Variants in MYO18B observed in about 807,000 individuals in gnomAD.
The protein encoded by MYO18B is unconventional myosin-XVIIIb.
A neutral mutation model predicts 273.0 loss-of-function variants in MYO18B; 204 were observed. The observed-to-expected ratio is 0.75, with a 90% confidence interval of 0.67 to 0.84. The LOEUF (loss-of-function observed/expected upper bound fraction) is 0.84, where lower values mean the gene tolerates loss of function less well. MYO18B is among the 40% of genes least tolerant of loss of function. The pLI is 0.00. For synonymous variants in MYO18B, 1,330 were observed against 1,305.7 expected, an observed-to-expected ratio of 1.02 and a Z score of -0.40; for missense variants, 3,212 against 3,287.6, an observed-to-expected ratio of 0.98 and a Z score of 0.56.
At chr22:25,969,183 C>T (rs775660206) in intron 39 of MYO18B, among the ~76,000 whole-genome samples, 95 of 152,318 alleles carry the variant, frequency 6.2e-4, no homozygotes, top group Non-Finnish European at 1.3e-3. Flanking sequence ...CCAGATGTGT[C>T]ACCTTATCTG....
At chr22:25,948,720 TCA>T (rs568356846) in intron 36 of MYO18B, among the ~76,000 whole-genome samples, 2 of 152,048 alleles carry the variant, frequency 1.3e-5, no homozygotes, top group East Asian at 3.9e-4. Flanking sequence ...TTCATGTACC[TCA>T]CAGTTTAGTG....
chr22:25,934,376 T>C (rs1168327313), intron 34 of MYO18B, among the ~76,000 whole-genome samples: 2 of 152,212 alleles, frequency 1.3e-5, no homozygotes, highest in East Asian at 3.9e-4. Context: ...GCAGAGGGTG[T>C]TCTGTTTAGC....
At chr22:25,862,036 G>C (rs1011647668) in intron 21 of MYO18B, among the ~76,000 whole-genome samples, 5 of 152,092 alleles carry the variant, frequency 3.3e-5, no homozygotes, top group African/African-American at 9.7e-5. Context: ...AACATATACA[G>C]ACTTATTTTC....
At chr22:25,913,665 G>A (rs2092205252) in intron 33 of MYO18B, among the ~76,000 whole-genome samples, 1 of 152,182 alleles carries the variant, frequency 6.6e-6, no homozygotes, top group South Asian at 2.1e-4. Flanking sequence ...ATCGTGCCTG[G>A]CCGATTGTGG....
chr22:25,965,963 G>C (rs1039491135), intron 39 of MYO18B, among the ~76,000 whole-genome samples: 1 of 152,164 alleles, frequency 6.6e-6, no homozygotes, highest in Non-Finnish European at 1.5e-5. Flanking sequence ...AAGTCTCATC[G>C]CTCACTGACT....
intron 40 of MYO18B, among the ~76,000 whole-genome samples, chr22:26,000,637 T>C (rs2146898949): frequency 6.6e-6 from 1 of 151,406 alleles, no homozygotes; most frequent in East Asian, 2.0e-4. Flanking sequence ...GATCATCTCA[T>C]GATAAAGGTG....
chr22:25,798,098 G>A lies in MYO18B; in HGVS notation c.2521+1G>A, dbSNP rs770276315. On this transcript the variant is annotated splice_donor_variant, in intron 12 of 43. Coordinates refer to ENST00000335473, the MANE Select transcript of MYO18B (RefSeq NM_032608.7). LOFTEE classifies it high-confidence loss of function. ...CTGGGTGCGGCGGGGGCCTGCAAAG[G>A]TACGTCCTTCCTGCCGGGCTCACCT... 3 of 1,601,758 alleles carry A rather than the reference G, an allele frequency of 1.9e-6. No homozygotes were observed. The highest frequency in any genetic ancestry group is 2.2e-5 in the South Asian group (2 of 90,568).
chr22:25,947,069 G>A (rs2092720417), intron 35 of MYO18B, among the ~76,000 whole-genome samples: 1 of 152,106 alleles, frequency 6.6e-6, no homozygotes, highest in Non-Finnish European at 1.5e-5. Flanking sequence ...CAAGATCTCT[G>A]TGGGCCTTTT....
intron 33 of MYO18B, among the ~76,000 whole-genome samples, chr22:25,919,891 C>T (rs2092317054): frequency 6.6e-6 from 1 of 152,176 alleles, no homozygotes; most frequent in Non-Finnish European, 1.5e-5. Context: ...ATTTGCAAAG[C>T]ACTCAACAGC....
chr22:25,952,814 C>G (rs2092808410), intron 38 of MYO18B, among the ~76,000 whole-genome samples: 2 of 152,218 alleles, frequency 1.3e-5, no homozygotes. Context: ...TCCACCTACT[C>G]AACCACTTAC....
At chr22:25,922,506 G>A (rs776298285) in intron 34 of MYO18B, among the ~76,000 whole-genome samples, 8 of 152,190 alleles carry the variant, frequency 5.3e-5, no homozygotes, top group Non-Finnish European at 1.2e-4. Flanking sequence ...GACACCTGGG[G>A]AGGCTCAGAG....
intron 7 of MYO18B, among the ~76,000 whole-genome samples, chr22:25,773,427 T>G (rs894216790): frequency 6.6e-6 from 1 of 151,922 alleles, no homozygotes; most frequent in Non-Finnish European, 1.5e-5. Flanking sequence ...GATTCTGGCT[T>G]TCACTCTGAG....
intron 27 of MYO18B, chr22:25,894,951 G>A: frequency 1.8e-6 from 1 of 560,290 alleles, no homozygotes; most frequent in Non-Finnish European, 3.1e-6. Flanking sequence ...ACAGTTGGAG[G>A]TGGTCAGGAC....
chr22:26,020,474 A>G (rs1485420275), intron 42 of MYO18B, among the ~76,000 whole-genome samples: 1 of 152,194 alleles, frequency 6.6e-6, no homozygotes, highest in African/African-American at 2.4e-5. Flanking sequence ...ACTCTTGAAC[A>G]TCTGTCCTCA....
rs756954119 is a variant in MYO18B at position 25,902,583 on chromosome 22, G to A, written c.4824-30G>A. 2.5e-6 allele frequency: 4 copies of A among 1,596,374 alleles called. No homozygotes were observed. The East Asian group carries it at 6.8e-5, about 27-fold the overall frequency. ...TCACTCCCCTGCCCACCTGCCTACG[G>A]GGCCCTGACACGTGCTCTGCTTTGC... On this transcript the variant is annotated intron_variant, in intron 29 of 43. Transcript: ENST00000335473.
At chr22:25,896,225 A>G (rs751189417) in intron 28 of MYO18B, 5 of 152,100 alleles carry the variant, frequency 3.3e-5, no homozygotes, top group Non-Finnish European at 7.4e-5. Context: ...TTCTTACGAG[A>G]GTACTTCTTG....
chr22:26,021,907 T>C (rs1026993656), intron 42 of MYO18B, among the ~76,000 whole-genome samples: 1 of 152,188 alleles, frequency 6.6e-6, no homozygotes, highest in East Asian at 1.9e-4. Context: ...GGGTAGCTGT[T>C]GTGACCAATG....
chr22:25,984,093 G>A (rs562359634), intron 39 of MYO18B, among the ~76,000 whole-genome samples: 2 of 152,242 alleles, frequency 1.3e-5, no homozygotes, highest in South Asian at 2.1e-4. Flanking sequence ...GACCAAGTAC[G>A]TGCTACCAAT....
chr22:25,916,980 C>T (rs754596570), intron 33 of MYO18B, among the ~76,000 whole-genome samples: 20 of 152,062 alleles, frequency 1.3e-4, no homozygotes, highest in East Asian at 1.9e-4. Flanking sequence ...TGTAGTGAGC[C>T]GAGATTGCGC....
Sources: gnomAD v4.1 joint callset for allele counts (sites outside exome capture counted in the v4.1 genomes callset) on GRCh38, gnomAD v4.1.1 for gene constraint, MANE v1.5 for transcripts, NCBI Gene and HGNC (gene_info 2026-07-23, HGNC 2026-07-21) for gene names.